Variants in TNIK observed in about 807,000 individuals in gnomAD.
TNIK encodes the protein TRAF2 and NCK-interacting protein kinase.
Under a neutral mutation model 191.3 loss-of-function variants are expected in TNIK, and 49 were observed. The ratio of observed to expected loss-of-function variants is 0.26; its 90% CI spans 0.20 to 0.32. The LOEUF (loss-of-function observed/expected upper bound fraction) is 0.32. Among genes scored for constraint, TNIK ranks in the 10% least tolerant of loss-of-function variants. The pLI is 1.00. For synonymous variants in TNIK, 594 were observed against 600.9 expected (o/e 0.99, Z 0.17); for missense variants, 1,155 against 1,702.3 (o/e 0.68, Z 5.66).
intron 11 of TNIK, among the ~76,000 whole-genome samples, chr3:171,158,140 C>T (rs1485315668): frequency 6.6e-6 from 1 of 152,222 alleles, no homozygotes; most frequent in Non-Finnish European, 1.5e-5. Context: ...AGAGGCCAGG[C>T]TGCTCCTGTG....
At chr3:171,384,395 C>G (rs1216854537) in intron 1 of TNIK, among the ~76,000 whole-genome samples, 9 of 152,234 alleles carry the variant, frequency 5.9e-5, no homozygotes, top group Admixed American at 5.9e-4. Context: ...CACCCATGAC[C>G]ATCCAACTCA....
At chr3:171,109,193 G>T (rs1028730388) in intron 19 of TNIK, among the ~76,000 whole-genome samples, 7 of 152,186 alleles carry the variant, frequency 4.6e-5, no homozygotes, top group Non-Finnish European at 1.0e-4. Flanking sequence ...TAGAGATGGG[G>T]CTCTGTCACC....
At chr3:171,302,017 T>C (rs796538955) in intron 2 of TNIK, among the ~76,000 whole-genome samples, 29 of 152,344 alleles carry the variant, frequency 1.9e-4, no homozygotes, top group African/African-American at 5.5e-4. Flanking sequence ...AATGTTCACA[T>C]TGTCAAATTT....
At chr3:171,221,120 G>T (rs1424752353) in intron 3 of TNIK, among the ~76,000 whole-genome samples, 1 of 152,200 alleles carries the variant, frequency 6.6e-6, no homozygotes, top group Non-Finnish European at 1.5e-5. Flanking sequence ...CAGAATTGAA[G>T]CACTGAAAAT....
chr3:171,112,148 T>C (rs1334130798), intron 18 of TNIK, among the ~76,000 whole-genome samples: 1 of 152,240 alleles, frequency 6.6e-6, no homozygotes, highest in Non-Finnish European at 1.5e-5. Flanking sequence ...TGTATACATA[T>C]ATCAAAACAT....
intron 1 of TNIK, among the ~76,000 whole-genome samples, chr3:171,372,807 C>T (rs144551762): frequency 1.3e-5 from 2 of 152,290 alleles, no homozygotes; most frequent in Admixed American, 1.3e-4. Flanking sequence ...CCACAACATA[C>T]ACTACAAGCA....
intron 2 of TNIK, among the ~76,000 whole-genome samples, chr3:171,234,220 C>T (rs115394933): frequency 0.011 from 1,654 of 152,300 alleles, 24 homozygotes; most frequent in African/African-American, 0.038. Flanking sequence ...TATGAAAAGA[C>T]TCCAAAGATC....
chr3:171,235,540 AC>A (rs1386544308), intron 2 of TNIK, among the ~76,000 whole-genome samples: 2 of 151,966 alleles, frequency 1.3e-5, no homozygotes, highest in Non-Finnish European at 2.9e-5. Flanking sequence ...ATCATTCAAA[AC>A]CCTGGTACCT....
chr3:171,113,760 A>C (rs1422532475), intron 18 of TNIK, among the ~76,000 whole-genome samples: 1 of 152,046 alleles, frequency 6.6e-6, no homozygotes, highest in Non-Finnish European at 1.5e-5. Flanking sequence ...TATACCAGGC[A>C]CTGGGTCAAG....
intron 2 of TNIK, chr3:171,347,134 G>T: frequency 6.6e-7 from 1 of 1,509,758 alleles, no homozygotes; most frequent in East Asian, 2.5e-5. Flanking sequence ...TGGGCTTGGT[G>T]ATGAAATTCA....
chr3:171,219,943 G>A (rs1157932866), intron 3 of TNIK, among the ~76,000 whole-genome samples: 2 of 152,144 alleles, frequency 1.3e-5, no homozygotes, highest in Non-Finnish European at 2.9e-5. Context: ...ACATGCACAT[G>A]TATGTTTATT....
chr3:171,118,896 A>G (rs1576874761), intron 18 of TNIK, among the ~76,000 whole-genome samples: 1 of 152,260 alleles, frequency 6.6e-6, no homozygotes, highest in African/African-American at 2.4e-5. Flanking sequence ...CTTCATGTCT[A>G]AAACACCCAA....
intron 22 of TNIK, among the ~76,000 whole-genome samples, chr3:171,099,327 C>CT (rs1408203088): frequency 1.3e-5 from 2 of 151,872 alleles, no homozygotes; most frequent in Non-Finnish European, 2.9e-5. Flanking sequence ...CTTTCTGTGT[C>CT]TTTACTTCAA....
intron 12 of TNIK, among the ~76,000 whole-genome samples, chr3:171,147,957 T>TACTTGTTACCTACCTTA (rs892963858): frequency 1.3e-5 from 2 of 152,172 alleles, no homozygotes; most frequent in African/African-American, 4.8e-5. Context: ...TTTCTATCTT[T>TACTTGTTACCTACCTTA]ACTTGTTACC....
At chr3:171,200,148 G>A (rs866153345) in intron 4 of TNIK, among the ~76,000 whole-genome samples, 1 of 152,186 alleles carries the variant, frequency 6.6e-6, no homozygotes, top group South Asian at 2.1e-4. Context: ...GGGGTGATAG[G>A]GGGTGGAGGA....
At chr3:171,359,825 A>G (rs950116327) in intron 2 of TNIK, among the ~76,000 whole-genome samples, 5 of 152,204 alleles carry the variant, frequency 3.3e-5, no homozygotes, top group South Asian at 4.1e-4. Flanking sequence ...CAAAATAGTT[A>G]AAAACCGTGA....
intron 23 of TNIK, among the ~76,000 whole-genome samples, chr3:171,093,250 A>T (rs1722293311): frequency 1.3e-5 from 2 of 152,204 alleles, no homozygotes; most frequent in African/African-American, 4.8e-5. Context: ...GAAAGGGAAC[A>T]TGTGCCACCC....
chr3:171,267,955 G>A (rs1442410213), intron 2 of TNIK, among the ~76,000 whole-genome samples: 2 of 152,082 alleles, frequency 1.3e-5, no homozygotes. Flanking sequence ...CTTGCTGATG[G>A]CCCCAGAGCC....
chr3:171,083,337 C>T (rs533538365), intron 26 of TNIK, among the ~76,000 whole-genome samples: 3 of 152,314 alleles, frequency 2.0e-5, no homozygotes, highest in African/African-American at 7.2e-5. Flanking sequence ...GACAGAGCCT[C>T]TATCATGAAA....
Sources: gnomAD v4.1 joint callset for allele counts (sites outside exome capture counted in the v4.1 genomes callset) on GRCh38, gnomAD v4.1.1 for gene constraint, MANE v1.5 for transcripts, NCBI Gene and HGNC (gene_info 2026-07-23, HGNC 2026-07-21) for gene names.